Variants in TBC1D5 observed in about 807,000 individuals in gnomAD.
The protein encoded by TBC1D5 is TBC1 domain family member 5.
A neutral mutation model predicts 100.3 loss-of-function variants in TBC1D5; 75 were observed. The observed-to-expected ratio is 0.75, with a 90% CI of 0.62 to 0.91. The LOEUF (loss-of-function observed/expected upper bound fraction) is 0.91. Ranked by LOEUF, TBC1D5 falls within the 40% of genes least tolerant of loss-of-function variation. TBC1D5 has a pLI of 0.00. For missense variants in TBC1D5, 910 were observed against 942.4 expected, an observed-to-expected ratio of 0.97 and a Z score of 0.45; for synonymous variants, 323 against 325.6, an observed-to-expected ratio of 0.99 and a Z score of 0.09.
intron 1 of TBC1D5, among the ~76,000 whole-genome samples, chr3:17,712,586 T>C (rs1222394048): frequency 2.6e-5 from 4 of 152,196 alleles, no homozygotes; most frequent in Non-Finnish European, 5.9e-5. Flanking sequence ...CAGTTTAACA[T>C]ACAGTCCTAC....
chr3:17,194,876 G>A (rs2070443354), intron 18 of TBC1D5, among the ~76,000 whole-genome samples: 1 of 152,224 alleles, frequency 6.6e-6, no homozygotes, highest in African/African-American at 2.4e-5. Flanking sequence ...AGACAAGAAC[G>A]GTGCCAGAAA....
chr3:17,237,156 G>A (rs2075925506), intron 17 of TBC1D5, among the ~76,000 whole-genome samples: 1 of 152,130 alleles, frequency 6.6e-6, no homozygotes, highest in Non-Finnish European at 1.5e-5. Context: ...TGATATAACA[G>A]AGGGATCCCT....
chr3:17,565,859 G>A lies in TBC1D5; in HGVS notation c.-35-57254C>T, dbSNP rs2096590385. ...TCAAACTTTGAAGCTAAGGTTACAG[G>A]TATTCTAAATGAAAAATAATTTTTT... On this transcript the variant is annotated intron_variant, in intron 2 of 21. Transcript: ENST00000253692. Among the ~76,000 whole-genome samples, 5 of 151,908 alleles carry A rather than the reference G, an allele frequency of 3.3e-5. No homozygotes were observed. The South Asian group carries it at 1.0e-3, about 31-fold the overall frequency.
intron 4 of TBC1D5, among the ~76,000 whole-genome samples, chr3:17,419,117 T>C (rs2094150039): frequency 6.6e-6 from 1 of 152,178 alleles, no homozygotes; most frequent in Non-Finnish European, 1.5e-5. Context: ...GAAGAAATAT[T>C]ACAAAGACTC....
intron 13 of TBC1D5, among the ~76,000 whole-genome samples, chr3:17,370,119 T>A (rs528764902): frequency 1.5e-4 from 23 of 152,184 alleles, no homozygotes; most frequent in Non-Finnish European, 2.5e-4. Flanking sequence ...CCCCTGAAAC[T>A]AACTGAAGGA....
In TBC1D5 at chr3:17,620,246, C is replaced by G. The variant is rs117154633; in HGVS notation, c.-36+3603G>C. Among the ~76,000 whole-genome samples the G allele has an allele frequency of 7.1e-4, 108 of 152,322 alleles. 1 individual carries two copies. The East Asian group carries it at 0.019, about 27-fold the overall frequency. On this transcript the variant is annotated intron_variant, in intron 2 of 21. Transcript: ENST00000253692. ...GGGCTCAGGGGATCCTCTCAAGTAG[C>G]TGGGATTACAGGGGCAAGCCACTAC...
At position 17,250,718 on chromosome 3, in the gene TBC1D5, T is replaced by C. The variant is rs145333297; in HGVS notation, c.1331+7788A>G. ...TCTTTTCAGAGACACTCACTTTGAC[T>C]ACTCTATTTAAAATAATGAACTCCT... On this transcript the variant is annotated intron_variant, in intron 16 of 21. Transcript: ENST00000253692. 6.6e-4 allele frequency among the ~76,000 whole-genome samples: 100 copies of C among 152,350 alleles called. 2 individuals carry two copies. The East Asian group carries it at 0.019, about 29-fold the overall frequency.
At chr3:17,284,089 TACACACACAC>T (rs58307801) in intron 15 of TBC1D5, among the ~76,000 whole-genome samples, 12 of 132,820 alleles carry the variant, frequency 9.0e-5, no homozygotes, top group Admixed American at 6.0e-4. Flanking sequence ...CTCATTATTT[TACACACACAC>T]ACACACACAC....
intron 2 of TBC1D5, among the ~76,000 whole-genome samples, chr3:17,570,777 G>A (rs889310685): frequency 3.3e-5 from 5 of 151,742 alleles, no homozygotes; most frequent in African/African-American, 1.2e-4. Context: ...TCATAATGTC[G>A]ATACAGTTGT....
intron 3 of TBC1D5, among the ~76,000 whole-genome samples, chr3:17,431,441 A>G (rs1288398550): frequency 3.3e-5 from 5 of 152,032 alleles, no homozygotes; most frequent in Non-Finnish European, 7.4e-5. Flanking sequence ...ATGTAAAGTA[A>G]CCAGTAAAAG....
intron 2 of TBC1D5, among the ~76,000 whole-genome samples, chr3:17,543,109 G>A (rs1355888797): frequency 6.6e-6 from 1 of 151,982 alleles, no homozygotes; most frequent in Non-Finnish European, 1.5e-5. Flanking sequence ...TATAGCGGAA[G>A]GGAAAGGAAT....
intron 15 of TBC1D5, among the ~76,000 whole-genome samples, chr3:17,268,304 C>T (rs1445696610): frequency 6.6e-6 from 1 of 152,048 alleles, no homozygotes; most frequent in African/African-American, 2.4e-5. Flanking sequence ...ATTGGAAAAC[C>T]AATTACATGC....
intron 2 of TBC1D5, among the ~76,000 whole-genome samples, chr3:17,559,734 C>T (rs1205330938): frequency 2.6e-5 from 4 of 151,804 alleles, no homozygotes; most frequent in East Asian, 1.9e-4. Context: ...GGATTACAGG[C>T]GCCCACGACC....
chr3:17,437,622 TAGAGAGAG>T (rs58492511), intron 3 of TBC1D5, among the ~76,000 whole-genome samples: 26 of 115,234 alleles, frequency 2.3e-4, no homozygotes, highest in Non-Finnish European at 2.4e-4. Flanking sequence ...GAGACAGAGG[TAGAGAGAG>T]AGAGAGAGAG....
At chr3:17,213,013 GCTCA>G (rs1206768121) in intron 18 of TBC1D5, among the ~76,000 whole-genome samples, 1 of 152,056 alleles carries the variant, frequency 6.6e-6, no homozygotes, top group Non-Finnish European at 1.5e-5. Context: ...TTCACTCACT[GCTCA>G]CTCACTCACT....
At position 17,387,824 on chromosome 3, in the gene TBC1D5, A is replaced by G. The variant is rs1335774849; in HGVS notation, c.510-3809T>C. Among the ~76,000 whole-genome samples, 4 of 151,458 alleles carry G rather than the reference A, an allele frequency of 2.6e-5. No individual in the cohort carries two copies. In the Admixed American group the frequency reaches 2.6e-4, roughly 10 times the overall value. On this transcript the variant is annotated intron_variant, in intron 8 of 21. Coordinates refer to ENST00000253692, the Ensembl canonical transcript of TBC1D5. ...ATCATTCAGGTTTTGAAAAATCAAC[A>G]ATGATGTTACAGTTTCATGAAAATA... is the stretch of plus-strand genomic sequence containing the variant.
chr3:17,263,353 G>A (rs1191565955), intron 15 of TBC1D5, among the ~76,000 whole-genome samples: 1 of 102,380 alleles, frequency 9.8e-6, no homozygotes, highest in Non-Finnish European at 1.8e-5. Flanking sequence ...GTGACAGAAT[G>A]AGACCCTGTC....
chr3:17,614,367 C>A (rs917228713), intron 2 of TBC1D5, among the ~76,000 whole-genome samples: 1 of 152,154 alleles, frequency 6.6e-6, no homozygotes, highest in Non-Finnish European at 1.5e-5. Context: ...CTTCGCAATG[C>A]GGGCTCTTTT....
At position 17,280,435 on chromosome 3, in the gene TBC1D5, C is replaced by T. The variant is rs776486344; in HGVS notation, c.1245+11460G>A. On this transcript the variant is annotated intron_variant, in intron 15 of 21. Coordinates refer to ENST00000253692, the Ensembl canonical transcript of TBC1D5. ...TTTTCCAAAACCACCCACGGCCTGC[C>T]CCACTCCTCATCCCATGCCAATAAA... is the stretch of plus-strand genomic sequence containing the variant. Among the ~76,000 whole-genome samples the T allele has an allele frequency of 1.1e-4, 16 of 152,222 alleles. No individual in the cohort carries two copies. The South Asian group carries it at 2.1e-3, about 20-fold the overall frequency.
Sources: allele counts gnomAD v4.1 joint callset (sites outside exome capture counted in the v4.1 genomes callset), GRCh38; gene constraint gnomAD v4.1.1; transcripts MANE v1.5; gene names NCBI Gene and HGNC (gene_info 2026-07-23, HGNC 2026-07-21).